The following SPTBN4 variants were observed in gnomAD, a reference collection of about 807,000 sequenced individuals.
SPTBN4 encodes the protein spectrin beta, non-erythrocytic 4.
SPTBN4 carries 96 observed loss-of-function variants against 277.8 expected under a neutral mutation model. That is an observed-to-expected ratio of 0.35 (90% CI 0.29 to 0.41). The LOEUF is 0.41. Among genes scored for constraint, SPTBN4 ranks in the 10% least tolerant of loss-of-function variants. The pLI, the probability that SPTBN4 is intolerant of heterozygous loss-of-function variation, is 1.00. For synonymous variants in SPTBN4, 1,481 were observed against 1,580.3 expected (o/e 0.94, Z 1.49); for missense variants, 3,006 against 3,595.7 (o/e 0.84, Z 4.19).
intron 13 of SPTBN4, among the ~76,000 whole-genome samples, chr19:40,508,118 A>T (rs1015060053): frequency 6.6e-6 from 1 of 152,232 alleles, no homozygotes; most frequent in South Asian, 2.1e-4. Flanking sequence ...AATCGGCCAC[A>T]TGCATGTGAC....
chr19:40,524,759 GTC>G (rs1225689454), intron 17 of SPTBN4: 2 of 377,546 alleles, frequency 5.3e-6, no homozygotes, highest in South Asian at 2.0e-5. Flanking sequence ...ATGTCTCTGT[GTC>G]TCTCTCATCT....
chr19:40,502,541 G>A lies in SPTBN4; in HGVS notation c.1203+34G>A, dbSNP rs1599737984. The A allele has an allele frequency of 6.3e-7, 1 of 1,577,188 alleles. No individual in the cohort carries two copies. The highest frequency in any genetic ancestry group is 2.2e-5 in the East Asian group (1 of 44,674). ...GGGGATGCAGGGGAGAGGCGGGGTT[G>A]CACTGTGGAGTTGTATAGGTTGCAC... On this transcript the variant is annotated intron_variant, in intron 10 of 35. Transcript: ENST00000598249. This position sits in a 1 kb window ranked among gnomAD's most constrained non-coding sequence, Gnocchi z 4.9.
Position 40,502,630 on chromosome 19 carries a change from TCAGTAGTAAAG to T in SPTBN4, c.1203+124_1203+134del. ...ATTAGATATTCATTCTGACAGTTTT[TCAGTAGTAAAG>T]TGTCATAAGGAAGCAATATTTTTTC... is the stretch of plus-strand genomic sequence containing the variant. On this transcript the variant is annotated intron_variant, in intron 10 of 35. Transcript: ENST00000598249. This position sits in a 1 kb window ranked among gnomAD's most constrained non-coding sequence, Gnocchi z 4.9. 1 of 1,444,206 alleles carries T rather than the reference TCAGTAGTAAAG, an allele frequency of 6.9e-7. No individual in the cohort carries two copies. Among genetic ancestry groups the T allele is most frequent in the South Asian group, 1.3e-5 (1 of 74,344 alleles). 89.5% of individuals were successfully genotyped at this position (1,444,206 alleles called of 1,614,324 possible). A position where few individuals can be genotyped will look rare whatever the true frequency, so the allele number is the denominator to read the frequency against.
At chr19:40,503,767 A>T in intron 11 of SPTBN4, 63 bp from the exon 12 acceptor site, 1 of 1,504,494 alleles carries the variant, frequency 6.6e-7, no homozygotes, top group Non-Finnish European at 8.9e-7. Context: ...AGGGTCACAC[A>T]GGGTCAAGGT....
chr19:40,513,004 G>A lies in SPTBN4; in HGVS notation c.2215G>A (p.Val739Met), dbSNP rs112677742. 2,186 of 1,434,528 alleles carry A rather than the reference G, an allele frequency of 1.5e-3. 24 individuals are homozygous for A. The African/African-American group carries it at 0.027, about 18-fold the overall frequency. The allele number at this position is 1,434,528 out of a possible 1,614,324, so 88.9% of individuals were successfully genotyped here. A position where few individuals can be genotyped will look rare whatever the true frequency, so the allele number is the denominator to read the frequency against. ...TGCCGTCGGCCCGGGAGCAGACACC[G>A]TGCACCTGGTAGGCCTGGCGGAGCG... is the stretch of plus-strand genomic sequence containing the variant. ...GGAVGPGADT[V>M]HLVGLAERAA... is the part of the protein sequence containing the mutation. Residue 739 changes from valine (V) to methionine (M), a missense_variant, in exon 14 of 36, where the codon GTG becomes ATG. Val to Met is a conservative substitution (Grantham distance 21). Transcript: ENST00000598249.
Position 40,572,069 on chromosome 19 carries a change from A to C in SPTBN4, c.7370A>C (p.Tyr2457Ser). The C allele has an allele frequency of 6.2e-7, 1 of 1,610,774 alleles. No homozygotes were observed. Among genetic ancestry groups the C allele is most frequent in the Non-Finnish European group, 8.5e-7 (1 of 1,178,502 alleles). The change falls in exon 34 of 36, where the codon TAC becomes TCC. Residue 2457 changes from tyrosine (Y) to serine (S), a missense_variant. Tyr to Ser is a moderately radical substitution (Grantham distance 144). Around this residue, in one of 5 missense-constraint regions of SPTBN4, gnomAD observed 630 missense variants for 677.6 expected, o/e 0.93. Coordinates refer to ENST00000598249, the MANE Select transcript of SPTBN4 (RefSeq NM_020971.3). ...CVLSKGELGF[Y>S]KDSKGPASGS... ...CTTAGTAAGGGGGAACTGGGCTTCT[A>C]CAAGGACTCCAAGGGCCCGGCATCC...
At chr19:40,486,264 C>CT (rs1425103784) in intron 2 of SPTBN4, among the ~76,000 whole-genome samples, 1 of 152,048 alleles carries the variant, frequency 6.6e-6, no homozygotes. Context: ...GCATTCCAGC[C>CT]TGGGCAACGT....
At position 40,570,652 on chromosome 19, in the gene SPTBN4, C is replaced by T. The variant is rs199715649; in HGVS notation, c.7243C>T (p.Pro2415Ser). Residue 2415 changes from proline to serine, a missense_variant, in exon 33 of 36, where the codon CCC (proline) becomes TCC (serine). Physicochemically the swap from Pro to Ser is moderately conservative, Grantham distance 74. Transcript: ENST00000598249. The part of the protein sequence containing the change: ...GGSAPAPPPP[P>S]THTVQHEGFL... ...CTCCGCCCCCGCGCCTCCGCCACCG[C>T]CCACTCACACAGTGCAGCACGAGGG... 1.2e-4 allele frequency: 182 copies of T among 1,533,338 alleles called. 1 individual carries two copies. Among genetic ancestry groups the T allele is most frequent in the Non-Finnish European group, 1.6e-4 (178 of 1,143,814 alleles). The allele number at this position is 1,533,338 out of a possible 1,614,324, so 95.0% of individuals were successfully genotyped here.
rs2081202460 is a variant in SPTBN4 at position 40,576,309 on chromosome 19, T to C, written c.*740T>C. 1 of 152,706 alleles carries C rather than the reference T, an allele frequency of 6.5e-6. No homozygotes were observed. Among genetic ancestry groups the C allele is most frequent in the Non-Finnish European group, 1.5e-5 (1 of 68,112 alleles). 9.5% of individuals were successfully genotyped at this position (152,706 alleles called of 1,614,324 possible). A position where few individuals can be genotyped will look rare whatever the true frequency, so the allele number is the denominator to read the frequency against. ...GGGCGAGGGGAAGCCCACCCCTGCA[T>C]GCTTCTGGCTGGAGCACCTCCCTGG... is the stretch of plus-strand genomic sequence containing the variant. On this transcript the variant is annotated 3_prime_UTR_variant, in exon 36 of 36. Transcript: ENST00000598249.
intron 15 of SPTBN4, among the ~76,000 whole-genome samples, chr19:40,518,916 T>A (rs567779100): frequency 1.3e-3 from 198 of 152,166 alleles, no homozygotes; most frequent in Non-Finnish European, 2.1e-3. Flanking sequence ...CTTAAAAAAA[T>A]TTTTTTAAAT....
intron 20 of SPTBN4, among the ~76,000 whole-genome samples, chr19:40,537,229 C>T (rs1056064793): frequency 1.3e-5 from 2 of 152,112 alleles, no homozygotes; most frequent in South Asian, 4.1e-4. Flanking sequence ...AGGCTGGTCT[C>T]GAACTCGTGG....
intron 17 of SPTBN4, among the ~76,000 whole-genome samples, chr19:40,524,039 A>G (rs11881874): frequency 0.22 from 32,935 of 151,910 alleles, 5,343 homozygotes; most frequent in African/African-American, 0.46. Flanking sequence ...TTGACCACCC[A>G]CCTTGGCCTC....
intron 26 of SPTBN4, 141 bp downstream of exon 26, chr19:40,557,544 T>A: frequency 3.0e-6 from 3 of 994,506 alleles, no homozygotes; most frequent in Non-Finnish European, 4.2e-6. Flanking sequence ...AGGAAGAAAT[T>A]AGATAATGGA....
At chr19:40,561,116 C>T (rs368093926) in intron 27 of SPTBN4, among the ~76,000 whole-genome samples, 1 of 152,108 alleles carries the variant, frequency 6.6e-6, no homozygotes, top group Non-Finnish European at 1.5e-5. Flanking sequence ...CAGGTTCAAG[C>T]GATTCTCCTG....
At chr19:40,468,551 AT>A (rs1453067860) in intron 1 of SPTBN4, among the ~76,000 whole-genome samples, 1 of 151,766 alleles carries the variant, frequency 6.6e-6, no homozygotes, top group African/African-American at 2.4e-5. Flanking sequence ...TAATTTTTGT[AT>A]TTTTTTTAGT....
intron 2 of SPTBN4, 116 bp downstream of exon 2, chr19:40,472,906 C>T (rs1321184506): frequency 9.4e-7 from 1 of 1,064,234 alleles, no homozygotes; most frequent in Non-Finnish European, 1.3e-6. Flanking sequence ...ATAGAACTTT[C>T]CATGATGGTG....
chr19:40,557,911 T>C (rs1348230436), intron 26 of SPTBN4, among the ~76,000 whole-genome samples: 2 of 130,546 alleles, frequency 1.5e-5, no homozygotes, highest in Non-Finnish European at 3.2e-5. Context: ...AGAGTGATAC[T>C]CTGTCTCAAA....
chr19:40,555,576 C>T (rs561847928), intron 24 of SPTBN4, among the ~76,000 whole-genome samples: 3 of 151,274 alleles, frequency 2.0e-5, no homozygotes, highest in African/African-American at 7.3e-5. Flanking sequence ...TTTAGGGAAG[C>T]GGAGCTTTCC....
intron 30 of SPTBN4, chr19:40,567,232 A>G: frequency 2.4e-6 from 1 of 419,318 alleles, no homozygotes. Flanking sequence ...CTGGAGGTCA[A>G]GGCTGCAATG....
Sources: gnomAD v4.1 joint callset for allele counts (sites outside exome capture counted in the v4.1 genomes callset) on GRCh38, gnomAD v4.1.1 for gene constraint, gnomAD v4.1.1 regional missense constraint, Gnocchi (gnomAD v3.1) non-coding constraint, MANE v1.5 for transcripts, NCBI Gene and HGNC (gene_info 2026-07-23, HGNC 2026-07-21) for gene names.